Variants in OSBPL11 observed in about 807,000 individuals in gnomAD.
OSBPL11 encodes oxysterol-binding protein-related protein 11.
A neutral mutation model predicts 84.4 loss-of-function variants in OSBPL11; 33 were observed. The ratio of observed to expected loss-of-function variants is 0.39; its 90% CI spans 0.30 to 0.52. The LOEUF is 0.52. Among genes scored for constraint, OSBPL11 ranks in the 20% least tolerant of loss-of-function variants. The probability of loss-of-function intolerance (pLI) is 0.72; values close to 1 mark genes in which losing one functional copy is unlikely to be tolerated. For synonymous variants in OSBPL11, 276 were observed against 310.2 expected, an observed-to-expected ratio of 0.89 and a Z score of 1.16; for missense variants, 736 against 901.1, an observed-to-expected ratio of 0.82 and a Z score of 2.35.
Position 125,529,102 on chromosome 3 carries a change from T to C in OSBPL11, c.*1413A>G, listed in dbSNP as rs564955653. 2.0e-5 allele frequency: 3 copies of C among 152,768 alleles called. No homozygotes were observed. In the South Asian group the frequency reaches 6.2e-4, roughly 32 times the overall value. The allele number at this position is 152,768 out of a possible 1,614,324, so 9.5% of individuals were successfully genotyped here. A position where few individuals can be genotyped will look rare whatever the true frequency, so the allele number is the denominator to read the frequency against. ...TATCAGAGCACAAAGCTTAAACTTCTTATGATGATGCAACAGACACAGCCA... is the reference window on the plus strand; with the variant it reads ...TATCAGAGCACAAAGCTTAAACTTCCTATGATGATGCAACAGACACAGCCA... On this transcript the variant is annotated 3_prime_UTR_variant, in exon 13 of 13. Coordinates refer to ENST00000296220, the MANE Select transcript of OSBPL11 (RefSeq NM_022776.5).
chr3:125,568,027 T>C (rs1021996373), intron 5 of OSBPL11, among the ~76,000 whole-genome samples: 4 of 147,592 alleles, frequency 2.7e-5, no homozygotes, highest in African/African-American at 1.0e-4. Flanking sequence ...TAGGCCATAT[T>C]AGGCTTTTTA....
At chr3:125,549,099 G>T (rs1403591967) in intron 9 of OSBPL11, among the ~76,000 whole-genome samples, 3 of 152,076 alleles carry the variant, frequency 2.0e-5, no homozygotes, top group African/African-American at 7.2e-5. Context: ...TCAGCTCAAT[G>T]TAACTTCTGC....
chr3:125,590,576 A>T (rs573958634), intron 1 of OSBPL11, among the ~76,000 whole-genome samples: 5 of 152,156 alleles, frequency 3.3e-5, no homozygotes, highest in Admixed American at 3.3e-4. Flanking sequence ...TTTTTTTTTC[A>T]AAAGGTCATC....
intron 5 of OSBPL11, among the ~76,000 whole-genome samples, chr3:125,575,182 A>G (rs1045443597): frequency 6.6e-6 from 1 of 151,892 alleles, no homozygotes; most frequent in Non-Finnish European, 1.5e-5. Context: ...TATATATTCT[A>G]TATGTTCTAT....
At chr3:125,535,001 GAA>G (rs973274649) in intron 11 of OSBPL11, among the ~76,000 whole-genome samples, 2 of 108,142 alleles carry the variant, frequency 1.8e-5, no homozygotes, top group East Asian at 5.0e-4. Context: ...AATGTAAGGA[GAA>G]AAAAAGAGAT....
intron 1 of OSBPL11, among the ~76,000 whole-genome samples, chr3:125,585,466 T>C (rs539375261): frequency 4.6e-5 from 7 of 152,190 alleles, no homozygotes; most frequent in Admixed American, 2.0e-4. Context: ...CACATCATAG[T>C]AATGTTCTGT....
chr3:125,590,339 C>T (rs538324542), intron 1 of OSBPL11, among the ~76,000 whole-genome samples: 1 of 152,274 alleles, frequency 6.6e-6, no homozygotes, highest in South Asian at 2.1e-4. Context: ...CACTTGAGGT[C>T]AGGAGTTTGA....
intron 10 of OSBPL11, among the ~76,000 whole-genome samples, chr3:125,546,560 G>A (rs901510700): frequency 1.3e-5 from 2 of 152,170 alleles, no homozygotes; most frequent in Middle Eastern, 3.4e-3. Flanking sequence ...TCGAAATCCT[G>A]ACCTCAGGTG....
At chr3:125,568,385 C>T (rs186178333) in intron 5 of OSBPL11, among the ~76,000 whole-genome samples, 161 of 150,588 alleles carry the variant, frequency 1.1e-3, no homozygotes, top group East Asian at 4.9e-3. Context: ...GAGCCAAGAT[C>T]GCGCCACTGC....
At chr3:125,567,619 G>A in intron 5 of OSBPL11, 24 bp from the exon 6 acceptor site, 6 of 1,579,638 alleles carry the variant, frequency 3.8e-6, no homozygotes, top group Non-Finnish European at 5.2e-6. Context: ...AGTTCTGTGG[G>A]TCCTACTCAT....
intron 5 of OSBPL11, among the ~76,000 whole-genome samples, chr3:125,569,237 C>A (rs1036268860): frequency 2.6e-5 from 4 of 152,086 alleles, no homozygotes; most frequent in Non-Finnish European, 5.9e-5. Flanking sequence ...GCGTGAGTCA[C>A]TGAGCCCAGC....
chr3:125,562,884 C>CCATT (rs1936098254), intron 7 of OSBPL11, among the ~76,000 whole-genome samples: 2 of 151,986 alleles, frequency 1.3e-5, no homozygotes, highest in Admixed American at 1.3e-4. Flanking sequence ...TGAGATTGTG[C>CCATT]CATTGCACTC....
intron 10 of OSBPL11, among the ~76,000 whole-genome samples, chr3:125,543,675 C>T (rs1250681442): frequency 7.9e-5 from 12 of 151,920 alleles, no homozygotes; most frequent in South Asian, 2.1e-4. Context: ...CCAAGGTGGG[C>T]AGATCACTTG....
At chr3:125,530,922 G>A (rs1026294907) in intron 12 of OSBPL11, among the ~76,000 whole-genome samples, 6 of 152,096 alleles carry the variant, frequency 3.9e-5, no homozygotes, top group Non-Finnish European at 7.4e-5. Flanking sequence ...AGAAATGATC[G>A]GGAAGGTACT....
chr3:125,574,836 T>G (rs891414257), intron 5 of OSBPL11, among the ~76,000 whole-genome samples: 1 of 152,180 alleles, frequency 6.6e-6, no homozygotes, highest in African/African-American at 2.4e-5. Context: ...GACTAATGCA[T>G]GCCTGCACAG....
At chr3:125,581,243 C>G (rs1936419548) in intron 2 of OSBPL11, among the ~76,000 whole-genome samples, 1 of 152,014 alleles carries the variant, frequency 6.6e-6, no homozygotes, top group South Asian at 2.1e-4. Context: ...AGGCGCCCAC[C>G]ACCATGCCCA....
At chr3:125,536,836 T>A (rs978068130) in intron 11 of OSBPL11, among the ~76,000 whole-genome samples, 4 of 152,244 alleles carry the variant, frequency 2.6e-5, no homozygotes, top group Admixed American at 2.0e-4. Flanking sequence ...CTTATTTATA[T>A]TCCCAATTTG....
chr3:125,566,065 G>C (rs1208396963), intron 6 of OSBPL11, among the ~76,000 whole-genome samples: 1 of 152,104 alleles, frequency 6.6e-6, no homozygotes, highest in Admixed American at 6.6e-5. Flanking sequence ...GAGCGCAGTG[G>C]CACGATCTGG....
chr3:125,535,437 AT>A (rs201868655), intron 11 of OSBPL11, among the ~76,000 whole-genome samples: 7,366 of 125,880 alleles, frequency 0.059, 317 homozygotes, highest in Non-Finnish European at 0.086. Flanking sequence ...ATTCAGAAGC[AT>A]CTTTTTTTTT....
Sources: gnomAD v4.1 joint callset for allele counts (sites outside exome capture counted in the v4.1 genomes callset) on GRCh38, gnomAD v4.1.1 for gene constraint, MANE v1.5 for transcripts, NCBI Gene and HGNC (gene_info 2026-07-23, HGNC 2026-07-21) for gene names.